PRKG1: variants seen among roughly 807,000 people sequenced by gnomAD.
PRKG1 encodes cGMP-dependent protein kinase 1.
In PRKG1, 35 loss-of-function variants were observed where a neutral mutation model predicts 88.1. The observed-to-expected ratio is 0.40, with a 90% CI of 0.30 to 0.53. The LOEUF (loss-of-function observed/expected upper bound fraction) is 0.53. Among genes scored for constraint, PRKG1 ranks in the 20% least tolerant of loss-of-function variants. The pLI is 0.59. For missense variants in PRKG1, 540 were observed against 839.8 expected (o/e 0.64, Z 4.41); for synonymous variants, 303 against 292.5 (o/e 1.04, Z -0.37).
intron 2 of PRKG1, among the ~76,000 whole-genome samples, chr10:51,186,703 T>A (rs765048696): frequency 1.7e-4 from 26 of 151,962 alleles, no homozygotes; most frequent in Non-Finnish European, 3.1e-4. Context: ...CCCCACTACT[T>A]CTACGGTCAA....
At chr10:51,851,187 AAC>A (rs1564674928) in intron 4 of PRKG1, among the ~76,000 whole-genome samples, 1 of 152,226 alleles carries the variant, frequency 6.6e-6, no homozygotes, top group African/African-American at 2.4e-5. Flanking sequence ...AGGAGAAATT[AAC>A]AGCATGTATT....
At chr10:51,587,760 T>A (rs189014329) in intron 3 of PRKG1, among the ~76,000 whole-genome samples, 1 of 152,266 alleles carries the variant, frequency 6.6e-6, no homozygotes, top group East Asian at 1.9e-4. Flanking sequence ...AACTTTGGAT[T>A]TGACCTGGAC....
chr10:52,085,006 T>G (rs769283560), intron 7 of PRKG1, among the ~76,000 whole-genome samples: 6 of 152,050 alleles, frequency 3.9e-5, no homozygotes, highest in Admixed American at 6.6e-5. Context: ...CATGACTACA[T>G]TGAGGTTATG....
chr10:51,234,697 G>A (rs924492592), intron 2 of PRKG1, among the ~76,000 whole-genome samples: 14 of 151,840 alleles, frequency 9.2e-5, no homozygotes, highest in Non-Finnish European at 1.5e-4. Flanking sequence ...CTTCTAAATA[G>A]GAATTAATAT....
chr10:51,914,117 A>AT (rs1256346757), intron 5 of PRKG1, among the ~76,000 whole-genome samples: 1 of 152,008 alleles, frequency 6.6e-6, no homozygotes, highest in Non-Finnish European at 1.5e-5. Flanking sequence ...CATGAATTAC[A>AT]TTTTTCAAAT....
rs575387266 is a variant in PRKG1 at position 51,751,996 on chromosome 10, C to G, written c.593-52589C>G. On this transcript the variant is annotated intron_variant, in intron 3 of 17. Coordinates refer to ENST00000373980, the MANE Select transcript of PRKG1 (RefSeq NM_006258.4). ...GCATGCTGGTGACTATTTTTCAACT[C>G]TAGTACAAACTTTTTTTACTGATCT... Among the ~76,000 whole-genome samples, 3 of 152,260 alleles carry G rather than the reference C, an allele frequency of 2.0e-5. No individual in the cohort carries two copies. The East Asian group carries it at 5.8e-4, about 29-fold the overall frequency.
At chr10:51,744,633 G>A (rs930021069) in intron 3 of PRKG1, among the ~76,000 whole-genome samples, 6 of 152,186 alleles carry the variant, frequency 3.9e-5, no homozygotes, top group Non-Finnish European at 5.9e-5. Flanking sequence ...TCTTATGTGT[G>A]GAAGAAGAAT....
chr10:51,160,398 C>A (rs146382273), intron 2 of PRKG1, among the ~76,000 whole-genome samples: 1 of 152,108 alleles, frequency 6.6e-6, no homozygotes, highest in Non-Finnish European at 1.5e-5. Context: ...ACAGTGTTAA[C>A]GGTGAATCCT....
intron 2 of PRKG1, among the ~76,000 whole-genome samples, chr10:51,184,274 A>G (rs916293734): frequency 6.6e-6 from 1 of 152,198 alleles, no homozygotes; most frequent in Admixed American, 6.5e-5. Flanking sequence ...GACTTTTTCC[A>G]TAAGGAAGCT....
At position 52,271,442 on chromosome 10, in the gene PRKG1, C is replaced by G. The variant is rs1406650134; in HGVS notation, c.1266C>G (p.Arg422=). 1.2e-6 allele frequency: 2 copies of G among 1,613,048 alleles called. No individual in the cohort carries two copies. The highest frequency in any genetic ancestry group is 1.7e-6 in the Non-Finnish European group (2 of 1,179,402). ...ACACAAGACAGCAGGAGCACATCCG[C>G]TCAGAGAAGCAGATCATGCAGGGGG... The part of the protein sequence containing the change: ...IVDTRQQEHI[R]SEKQIMQGAH... Residue 422 remains arginine, a synonymous_variant, in exon 11 of 18, where the codon CGC becomes CGG. Transcript: ENST00000373980.
intron 7 of PRKG1, among the ~76,000 whole-genome samples, chr10:52,098,420 T>C (rs1260351650): frequency 6.6e-6 from 1 of 152,174 alleles, no homozygotes; most frequent in African/African-American, 2.4e-5. Context: ...CTGAATAGGG[T>C]TGCTTTTACA....
Position 51,544,444 on chromosome 10 carries a change from C to G in PRKG1, c.592+76608C>G, listed in dbSNP as rs1158153123. On this transcript the variant is annotated intron_variant, in intron 3 of 17. Transcript: ENST00000373980. ...TGTATATGTGCCACATTTTCTTAAT[C>G]CAGTCTATCATTGATGGACATTTGG... Among the ~76,000 whole-genome samples, 5 of 152,102 alleles carry G rather than the reference C, an allele frequency of 3.3e-5. No individual in the cohort carries two copies. The East Asian group carries it at 5.8e-4, about 18-fold the overall frequency.
At chr10:52,284,750 C>T (rs1842076119) in intron 14 of PRKG1, among the ~76,000 whole-genome samples, 1 of 151,960 alleles carries the variant, frequency 6.6e-6, no homozygotes, top group South Asian at 2.1e-4. Context: ...CCTAATTAAG[C>T]ACTACAGAAT....
intron 2 of PRKG1, among the ~76,000 whole-genome samples, chr10:51,329,554 C>G (rs1408978101): frequency 6.6e-6 from 1 of 152,206 alleles, no homozygotes; most frequent in African/African-American, 2.4e-5. Context: ...GTGATACTCA[C>G]TAGCTTTTGT....
intron 3 of PRKG1, among the ~76,000 whole-genome samples, chr10:51,576,955 C>CTTTTCTG: frequency 6.6e-6 from 1 of 151,992 alleles, no homozygotes; most frequent in East Asian, 1.9e-4. Context: ...ATGTACAATA[C>CTTTTCTG]TTTTCTGTTT....
intron 2 of PRKG1, among the ~76,000 whole-genome samples, chr10:51,346,671 C>T (rs148675285): frequency 6.6e-6 from 1 of 152,152 alleles, no homozygotes; most frequent in Non-Finnish European, 1.5e-5. Context: ...TACAAAAAAG[C>T]AATCACTTTT....
At chr10:51,547,004 G>A (rs1449148337) in intron 3 of PRKG1, among the ~76,000 whole-genome samples, 1 of 151,556 alleles carries the variant, frequency 6.6e-6, no homozygotes, top group African/African-American at 2.4e-5. Context: ...ATGGGTGCAA[G>A]ACTTTGTGAC....
intron 3 of PRKG1, chr10:51,695,793 T>TAA (rs2132401396): frequency 6.6e-6 from 1 of 152,278 alleles, no homozygotes; most frequent in Admixed American, 6.5e-5. Flanking sequence ...AACAAAGAAT[T>TAA]ACTAATTTAA....
intron 7 of PRKG1, among the ~76,000 whole-genome samples, chr10:52,117,139 A>T (rs1429051670): frequency 6.7e-6 from 1 of 149,630 alleles, no homozygotes; most frequent in Non-Finnish European, 1.5e-5. Context: ...TATTATATGC[A>T]TGCATGGATA....
Sources: gnomAD v4.1 joint callset for allele counts (sites outside exome capture counted in the v4.1 genomes callset) on GRCh38, gnomAD v4.1.1 for gene constraint, MANE v1.5 for transcripts, NCBI Gene and HGNC (gene_info 2026-07-23, HGNC 2026-07-21) for gene names.